NOP9: variants seen among roughly 807,000 people sequenced by gnomAD.
The protein encoded by NOP9 is NOP9 nucleolar protein.
A neutral mutation model predicts 63.0 loss-of-function variants in NOP9; 50 were observed. The observed-to-expected ratio is 0.79, with a 90% CI of 0.63 to 1.00. NOP9 has a LOEUF of 1.00. NOP9 is among the 50% of genes least tolerant of loss of function. The probability of loss-of-function intolerance (pLI) is 0.00; values close to 1 mark genes in which losing one functional copy is unlikely to be tolerated. For missense variants in NOP9, 758 were observed against 803.0 expected (o/e 0.94, Z 0.68); for synonymous variants, 343 against 332.8 (o/e 1.03, Z -0.33).
Position 24,300,872 on chromosome 14 carries a change from A to C in NOP9, c.697+15A>C, listed in dbSNP as rs747915288. 4.4e-6 allele frequency: 7 copies of C among 1,593,080 alleles called. No homozygotes were observed. Among genetic ancestry groups the C allele is most frequent in the Non-Finnish European group, 3.4e-6 (4 of 1,165,842 alleles). On this transcript the variant is annotated intron_variant, in intron 2 of 9. Transcript: ENST00000267425. ...CCAATCATCTGGTAAGTATTACAAG[A>C]GGAAAGTGGACCTAGGGGGAAGAAG...
chr14:24,308,114 C>T lies in NOP9; in HGVS notation c.*3019C>T. On this transcript the variant is annotated 3_prime_UTR_variant, in exon 10 of 10. Transcript: ENST00000267425. Reference sequence around the variant, plus strand: ...AAGCCATTGGAGCTTGTATGTGTGTCTTTGGTGATGACATGTGTTGTGAGG... The same window carrying T: ...AAGCCATTGGAGCTTGTATGTGTGTTTTTGGTGATGACATGTGTTGTGAGG... 1.8e-6 allele frequency: 1 copy of T among 551,666 alleles called. No homozygotes were observed. Among genetic ancestry groups the T allele is most frequent in the Non-Finnish European group, 3.3e-6 (1 of 305,064 alleles). 34.2% of individuals were successfully genotyped at this position (551,666 alleles called of 1,614,324 possible).
At chr14:24,298,780 G>C, upstream of NOP9, 6 of 877,734 alleles carry the variant, frequency 6.8e-6, no homozygotes, top group Non-Finnish European at 9.6e-6. Context: ...TCACTTGGCG[G>C]CAAAATTCTA....
In NOP9 at chr14:24,307,646, A is replaced by C; in HGVS notation, c.*2551A>C. 1 of 1,099,050 alleles carries C rather than the reference A, an allele frequency of 9.1e-7. No homozygotes were observed. The highest frequency in any genetic ancestry group is 1.3e-6 in the Non-Finnish European group (1 of 749,500). 68.1% of individuals were successfully genotyped at this position (1,099,050 alleles called of 1,614,324 possible). A position where few individuals can be genotyped will look rare whatever the true frequency, so the allele number is the denominator to read the frequency against. ...GGTTTATCGATTAGGGATGAGGGAG[A>C]GACCATGGAGTGCAGGTGGGGGCGG... On this transcript the variant is annotated 3_prime_UTR_variant, in exon 10 of 10. Coordinates refer to ENST00000267425, the MANE Select transcript of NOP9 (RefSeq NM_174913.3).
At chr14:24,290,284 G>T in the NOP9 span, among the ~76,000 whole-genome samples, 1 of 152,252 alleles carries the variant, frequency 6.6e-6, no homozygotes, top group Non-Finnish European at 1.5e-5. Flanking sequence ...CAAGGAATCT[G>T]CCTTTGCTGG....
At chr14:24,286,805 G>T in the NOP9 span, among the ~76,000 whole-genome samples, 38 of 151,992 alleles carry the variant, frequency 2.5e-4, no homozygotes, top group Middle Eastern at 6.8e-3. Context: ...TGTTAGCCAG[G>T]ATGGTCTCGA....
chr14:24,288,836 TTTTG>T, the NOP9 span, among the ~76,000 whole-genome samples: 6 of 152,178 alleles, frequency 3.9e-5, no homozygotes, highest in South Asian at 1.0e-3. Flanking sequence ...CAATGGTGGT[TTTTG>T]TTTGTTTGTT....
At chr14:24,287,658 G>A in the NOP9 span, among the ~76,000 whole-genome samples, 1 of 152,062 alleles carries the variant, frequency 6.6e-6, no homozygotes, top group Non-Finnish European at 1.5e-5. Context: ...TGCTACTTTT[G>A]TGTCTCAGTA....
chr14:24,292,463 C>A, the NOP9 span: 2 of 1,475,724 alleles, frequency 1.4e-6, no homozygotes, highest in Non-Finnish European at 9.2e-7. Context: ...GCTGCCCACG[C>A]TCCCCAGTGT....
At chr14:24,271,250 T>C in the NOP9 span, 211 of 1,200,022 alleles carry the variant, frequency 1.8e-4, 1 homozygote, top group South Asian at 3.3e-3. Flanking sequence ...CAAGCGTGCC[T>C]GGGCAGAGAC....
At chr14:24,291,325 T>A in the NOP9 span, 1 of 1,248,592 alleles carries the variant, frequency 8.0e-7, no homozygotes, top group Non-Finnish European at 1.2e-6. Context: ...GAGCTCAGGA[T>A]CCCTGGAGAG....
chr14:24,292,398 CT>C, the NOP9 span: 8 of 1,596,646 alleles, frequency 5.0e-6, no homozygotes, highest in African/African-American at 1.3e-5. Flanking sequence ...GCCCTCTCTG[CT>C]TCTACTGTGA....
At chr14:24,289,864 G>A in the NOP9 span, among the ~76,000 whole-genome samples, 8 of 152,366 alleles carry the variant, frequency 5.3e-5, no homozygotes, top group East Asian at 7.7e-4. Flanking sequence ...AACTGGGGAC[G>A]GTCCCCAGAA....
chr14:24,293,167 T>G, the NOP9 span: 1 of 181,244 alleles, frequency 5.5e-6, no homozygotes, highest in African/African-American at 2.4e-5. Context: ...ATGTAAATCA[T>G]CATTTCTATG....
In NOP9 at chr14:24,306,028, CT is replaced by C; in HGVS notation, c.*934del. On this transcript the variant is annotated 3_prime_UTR_variant, in exon 10 of 10. Transcript: ENST00000267425. ...GTAGAATGTGGCTTTGACATTCAGG[CT>C]GCCAAAGAGGTCTCGAGGGTTTTGC... 6.2e-7 allele frequency: 1 copy of C among 1,614,158 alleles called. No homozygotes were observed. Among genetic ancestry groups the C allele is most frequent in the African/African-American group, 1.3e-5 (1 of 75,040 alleles).
chr14:24,292,084 C>T, the NOP9 span: 1 of 1,459,226 alleles, frequency 6.9e-7, no homozygotes, highest in Non-Finnish European at 9.5e-7. Flanking sequence ...CTGCACCTGC[C>T]ACAGTAAGCA....
chr14:24,285,959 G>A, the NOP9 span, among the ~76,000 whole-genome samples: 1 of 148,916 alleles, frequency 6.7e-6, no homozygotes, highest in South Asian at 2.1e-4. Context: ...ACTGCATGCA[G>A]CCTGGGCAAC....
intron 5 of NOP9, 141 bp from the exon 6 acceptor site, chr14:24,302,933 A>G (rs1566412138): frequency 3.9e-6 from 4 of 1,021,648 alleles, no homozygotes; most frequent in South Asian, 1.8e-5. Flanking sequence ...GGCCTTATCT[A>G]GCCAAACAAA....
At position 24,307,369 on chromosome 14, in the gene NOP9, A is replaced by C. The variant is rs766607319; in HGVS notation, c.*2274A>C. 8 of 1,612,110 alleles carry C rather than the reference A, an allele frequency of 5.0e-6. No individual in the cohort carries two copies. In the South Asian group the frequency reaches 8.8e-5, roughly 18 times the overall value. On this transcript the variant is annotated 3_prime_UTR_variant, in exon 10 of 10. Transcript: ENST00000267425. Reference sequence around the variant, plus strand: ...AGGAACCGAGGAACTTGGCCTACTTACTTTGGCTAGCAGCTCCTGGCGGGT... The same window carrying C: ...AGGAACCGAGGAACTTGGCCTACTTCCTTTGGCTAGCAGCTCCTGGCGGGT...
At chr14:24,303,686 G>T in intron 6 of NOP9, 46 bp from the exon 7 acceptor site, 1 of 1,595,514 alleles carries the variant, frequency 6.3e-7, no homozygotes, top group South Asian at 1.1e-5. Context: ...TTGAGGTAAG[G>T]GACGGAGAAG....
Sources: gnomAD v4.1 joint callset for allele counts (sites outside exome capture counted in the v4.1 genomes callset) on GRCh38, gnomAD v4.1.1 for gene constraint, MANE v1.5 for transcripts, NCBI Gene and HGNC (gene_info 2026-07-23, HGNC 2026-07-21) for gene names.